CD248: variants seen among roughly 807,000 people sequenced by gnomAD.
CD248 encodes endosialin.
A neutral mutation model predicts 8.0 loss-of-function variants in CD248; 7 were observed. The observed-to-expected ratio is 0.88, with a 90% CI of 0.50 to 1.64. The LOEUF (loss-of-function observed/expected upper bound fraction) is 1.64. Ranked by LOEUF, CD248 falls within the 40% of genes most tolerant of loss-of-function variation. The pLI is 0.00. For missense variants in CD248, 912 were observed against 1,027.2 expected, an observed-to-expected ratio of 0.89 and a Z score of 1.53; for synonymous variants, 418 against 437.1, an observed-to-expected ratio of 0.96 and a Z score of 0.54.
At position 66,316,213 on chromosome 11, in the gene CD248, T is replaced by TGGG; in HGVS notation, c.814_815insCCC (p.Glu272delinsAlaGln). On this transcript the variant is annotated protein_altering_variant, in exon 1 of 1. Transcript: ENST00000311330. ...GCACGGAGCCTGGGCACAGGGGTCC[T>TGGG]CGCAACTGCGCCCGTCTGCTGCCAG... 4.3e-6 allele frequency: 7 copies of TGGG among 1,613,052 alleles called. No homozygotes were observed. Among genetic ancestry groups the TGGG allele is most frequent in the Non-Finnish European group, 5.9e-6 (7 of 1,179,934 alleles).
rs771739881 is a variant in CD248 at position 66,316,369 on chromosome 11, C to T, written c.659G>A (p.Gly220Asp). Residue 220 changes from glycine (G) to aspartate (D), a missense_variant, in exon 1 of 1, where the codon GGT becomes GAT. Physicochemically the swap from Gly to Asp is moderately conservative, Grantham distance 94 (BLOSUM62 -1). This residue lies in a region of CD248 where 403 missense variants were observed against 446.2 expected (regional missense o/e 0.90). Coordinates refer to ENST00000311330, the MANE Select transcript of CD248 (RefSeq NM_020404.3). ...GGGCCCAGCCCGTGACCAGCCCACA[C>T]CTCCCTCAGGCTGCTTCACGCAGAG... ...SLLCVKQPEG[G>D]VGWSRAGPLC... 1 of 1,611,770 alleles carries T rather than the reference C, an allele frequency of 6.2e-7. No homozygotes were observed. Among genetic ancestry groups the T allele is most frequent in the East Asian group, 2.2e-5 (1 of 44,884 alleles).
Position 66,316,417 on chromosome 11 carries a change from T to A in CD248, c.611A>T (p.Gln204Leu), listed in dbSNP as rs1177982397. Reference sequence around the variant, plus strand: ...GAGCAGAGAGGCTCCCCTGCCAGCCTGGCACTGCACAGCGGCCACAGAGCC... The same window carrying A: ...GAGCAGAGAGGCTCCCCTGCCAGCCAGGCACTGCACAGCGGCCACAGAGCC... The part of the protein sequence containing the change: ...PFGSVAAVQC[Q>L]AGRGASLLCV... Residue 204 changes from glutamine to leucine, a missense_variant, in exon 1 of 1, where the codon CAG becomes CTG. This residue lies in a region of CD248 where 403 missense variants were observed against 446.2 expected (regional missense o/e 0.90). Transcript: ENST00000311330. 2.5e-6 allele frequency: 4 copies of A among 1,605,894 alleles called. No individual in the cohort carries two copies. In the African/African-American group the frequency reaches 5.3e-5, roughly 21 times the overall value.
At position 66,315,004 on chromosome 11, in the gene CD248, C is replaced by T; in HGVS notation, c.2024G>A (p.Gly675Asp). 2 of 1,609,336 alleles carry T rather than the reference C, an allele frequency of 1.2e-6. No individual in the cohort carries two copies. The highest frequency in any genetic ancestry group is 1.7e-6 in the Non-Finnish European group (2 of 1,177,572). The change falls in exon 1 of 1, where the codon GGT becomes GAT. Residue 675 changes from glycine to aspartate, a missense_variant. This residue lies in a region of CD248 where 507 missense variants were observed against 562.2 expected (regional missense o/e 0.90). Coordinates refer to ENST00000311330, the MANE Select transcript of CD248 (RefSeq NM_020404.3). This position sits in a 1 kb window ranked among gnomAD's most constrained non-coding sequence, Gnocchi z 4.3. The stretch of plus-strand genomic sequence containing the variant: ...ATCCCTCTGGCTGTGCTCGGCAAGA[C>T]CAGCCTCCCCCAGGGCTGTTGGGGC... ...TAAPTALGEA[G>D]LAEHSQRDDR...
In CD248 at chr11:66,316,028, C is replaced by T. The variant is rs1348222117; in HGVS notation, c.1000G>A (p.Glu334Lys). 3.7e-6 allele frequency: 6 copies of T among 1,613,684 alleles called. No individual in the cohort carries two copies. The highest frequency in any genetic ancestry group is 1.3e-5 in the African/African-American group (1 of 75,060). ...TCATGTCCCTCGCTACAATAACACT[C>T]GAAGCCACCAACGTAGTTGACACAC... is the stretch of plus-strand genomic sequence containing the variant. The part of the protein sequence containing the change: ...QMCVNYVGGF[E>K]CYCSEGHELE... Residue 334 changes from glutamate (E) to lysine (K), a missense_variant, in exon 1 of 1, where the codon GAG becomes AAG. Coordinates refer to ENST00000311330, the MANE Select transcript of CD248 (RefSeq NM_020404.3).
In CD248 at chr11:66,316,733, G is replaced by T; in HGVS notation, c.295C>A (p.Pro99Thr). 6.2e-7 allele frequency: 1 copy of T among 1,603,942 alleles called. No individual in the cohort carries two copies. The change falls in exon 1 of 1, where the codon CCA becomes ACA. Residue 99 changes from proline to threonine, a missense_variant. Pro to Thr is a conservative substitution (Grantham distance 38, BLOSUM62 -1). Coordinates refer to ENST00000311330, the MANE Select transcript of CD248 (RefSeq NM_020404.3). ...RQARQCQLQR[P>T]LRGFTWTTGD... ...GTGGTCCACGTGAAGCCGCGCAGTG[G>T]GCGCTGCAGCTGGCATTGCCGGGCC...
Position 66,315,595 on chromosome 11 carries a change from C to T in CD248, c.1433G>A (p.Arg478His), listed in dbSNP as rs202170042. Residue 478 changes from arginine (R) to histidine (H), a missense_variant, in exon 1 of 1, where the codon CGT becomes CAT. Transcript: ENST00000311330. This position sits in a 1 kb window ranked among gnomAD's most constrained non-coding sequence, Gnocchi z 4.3. ...VIPATHPALS[R>H]DHQIPVIAAN... is the part of the protein sequence containing the mutation. ...TGCGATCACGGGGATCTGGTGGTCA[C>T]GGGACAAAGCTGGGTGTGTGGCAGG... 1.3e-5 allele frequency: 21 copies of T among 1,613,288 alleles called. No homozygotes were observed. Among genetic ancestry groups the T allele is most frequent in the Admixed American group, 6.7e-5 (4 of 59,934 alleles).
At position 66,315,071 on chromosome 11, in the gene CD248, G is replaced by A. The variant is rs1854527944; in HGVS notation, c.1957C>T (p.Pro653Ser). ...GAGGGCAGCCACAGGGCCAACTTGG[G>A]ACTGGGGCCATCTTCCCTTGGGATT... ...PQIPREDGPSPKLALWLPSPA... is the reference protein window; with the variant it reads ...PQIPREDGPSSKLALWLPSPA... The change falls in exon 1 of 1, where the codon CCC (proline) becomes TCC (serine). Residue 653 changes from proline to serine, a missense_variant. By Grantham distance (74) the Pro-to-Ser change is moderately conservative. Coordinates refer to ENST00000311330, the MANE Select transcript of CD248 (RefSeq NM_020404.3). The surrounding 1 kb of genome is among the most constrained non-coding windows in gnomAD (Gnocchi z 4.3). 3 of 1,569,746 alleles carry A rather than the reference G, an allele frequency of 1.9e-6. No individual in the cohort carries two copies. Among genetic ancestry groups the A allele is most frequent in the Non-Finnish European group, 2.6e-6 (3 of 1,157,066 alleles).
chr11:66,314,976 G>T lies in CD248; in HGVS notation c.2052C>A (p.Asp684Glu). 1 of 1,613,176 alleles carries T rather than the reference G, an allele frequency of 6.2e-7. No homozygotes were observed. Among genetic ancestry groups the T allele is most frequent in the Non-Finnish European group, 8.5e-7 (1 of 1,179,882 alleles). The change falls in exon 1 of 1, where the codon GAC (aspartate) becomes GAA (glutamate). Residue 684 changes from aspartate to glutamate, a missense_variant. Physicochemically the swap from Asp to Glu is conservative, Grantham distance 45 (BLOSUM62 2). This residue lies in a region of CD248 where 507 missense variants were observed against 562.2 expected (regional missense o/e 0.90). Transcript: ENST00000311330. This position sits in a 1 kb window ranked among gnomAD's most constrained non-coding sequence, Gnocchi z 4.0. Reference sequence around the variant, plus strand: ...CCAGGAGTGCCACCAGCAGCCACCGGTCATCCCTCTGGCTGTGCTCGGCAA... The same window carrying T: ...CCAGGAGTGCCACCAGCAGCCACCGTTCATCCCTCTGGCTGTGCTCGGCAA... Reference protein sequence around the residue: ...AGLAEHSQRDDRWLLVALLVP... With the variant: ...AGLAEHSQRDERWLLVALLVP...
Position 66,315,917 on chromosome 11 carries a change from C to A in CD248, c.1111G>T (p.Asp371Tyr). The A allele has an allele frequency of 6.2e-7, 1 of 1,613,534 alleles. No individual in the cohort carries two copies. The highest frequency in any genetic ancestry group is 8.5e-7 in the Non-Finnish European group (1 of 1,180,018). Reference sequence around the variant, plus strand: ...TCTTCATCTTCCTCATCCTCCCCGTCATCCAGCAACTCATCTCCGAGGTCC... The same window carrying A: ...TCTTCATCTTCCTCATCCTCCCCGTAATCCAGCAACTCATCTCCGAGGTCC... ...SQDLGDELLD[D>Y]GEDEEDEDEA... The change falls in exon 1 of 1, where the codon GAC becomes TAC. Residue 371 changes from aspartate to tyrosine, a missense_variant. Physicochemically the swap from Asp to Tyr is radical, Grantham distance 160. Coordinates refer to ENST00000311330, the MANE Select transcript of CD248 (RefSeq NM_020404.3). The surrounding 1 kb of genome is among the most constrained non-coding windows in gnomAD (Gnocchi z 4.3).
Position 66,315,428 on chromosome 11 carries a change from G to T in CD248, c.1600C>A (p.Pro534Thr). 1 of 1,613,398 alleles carries T rather than the reference G, an allele frequency of 6.2e-7. No homozygotes were observed. Among genetic ancestry groups the T allele is most frequent in the Non-Finnish European group, 8.5e-7 (1 of 1,179,522 alleles). ...TGGGTGCCAGCGACCCGGGTGTCTG[G>T]AAACATGGGGGACTGGTGGGCAGGG... ...LFPAHQSPMF[P>T]DTRVAGTQTT... Residue 534 changes from proline to threonine, a missense_variant, in exon 1 of 1, where the codon CCA becomes ACA. By Grantham distance (38) the Pro-to-Thr change is conservative. Around this residue, in one of 3 missense-constraint regions of CD248, gnomAD observed 507 missense variants for 562.2 expected, o/e 0.90. Coordinates refer to ENST00000311330, the MANE Select transcript of CD248 (RefSeq NM_020404.3). The surrounding 1 kb of genome is among the most constrained non-coding windows in gnomAD (Gnocchi z 4.3).
rs1233434322 is a variant in CD248, at chr11:66,314,745, T to C, written c.*9A>G. 2.6e-6 allele frequency: 4 copies of C among 1,542,974 alleles called. No individual in the cohort carries two copies. In the Admixed American group the frequency reaches 7.9e-5, roughly 30 times the overall value. On this transcript the variant is annotated 3_prime_UTR_variant, in exon 1 of 1. Coordinates refer to ENST00000311330, the MANE Select transcript of CD248 (RefSeq NM_020404.3). The surrounding 1 kb of genome is among the most constrained non-coding windows in gnomAD (Gnocchi z 4.0). ...CGCCCCATACTCCATGAGGGGGGTC[T>C]GCACCCCATCACACGCTGGTTCTGC...
rs1854556745 is a variant in CD248, at chr11:66,316,803, A to G, written c.225T>C (p.Gly75=). 2 of 1,587,700 alleles carry G rather than the reference A, an allele frequency of 1.3e-6. No homozygotes were observed. Among genetic ancestry groups the G allele is most frequent in the Non-Finnish European group, 1.7e-6 (2 of 1,174,478 alleles). Residue 75 remains glycine (G), a synonymous_variant, in exon 1 of 1, where the codon GGT becomes GGC. Transcript: ENST00000311330. ...ACAGCAGCCGGCTGGCTGGGCCCGCACCCACCAGGCTGTCCACACGCTGGG... is the reference window on the plus strand; with the variant it reads ...ACAGCAGCCGGCTGGCTGGGCCCGCGCCCACCAGGCTGTCCACACGCTGGG... ...EEAQRVDSLV[G]AGPASRLLWI...
chr11:66,316,544 C>A lies in CD248; in HGVS notation c.484G>T (p.Gly162Cys). The A allele has an allele frequency of 6.3e-7, 1 of 1,599,566 alleles. No individual in the cohort carries two copies. Among genetic ancestry groups the A allele is most frequent in the Non-Finnish European group, 8.5e-7 (1 of 1,179,338 alleles). ...TCATCTTGCAGCGCCGGGCAGGCGC[C>A]CTCGAAGCCAAACTGGCACAGGTAG... ...DGYLCQFGFE[G>C]ACPALQDEAG... Residue 162 changes from glycine (G) to cysteine (C), a missense_variant, in exon 1 of 1, where the codon GGC becomes TGC. Gly to Cys is a radical substitution (Grantham distance 159). This residue lies in a region of CD248 where 403 missense variants were observed against 446.2 expected (regional missense o/e 0.90). Transcript: ENST00000311330.
At position 66,316,610 on chromosome 11, in the gene CD248, G is replaced by A; in HGVS notation, c.418C>T (p.His140Tyr). Residue 140 changes from histidine to tyrosine, a missense_variant, in exon 1 of 1, where the codon CAC (histidine) becomes TAC (tyrosine). Physicochemically the swap from His to Tyr is moderately conservative, Grantham distance 83. This residue lies in a region of CD248 where 403 missense variants were observed against 446.2 expected (regional missense o/e 0.90). Coordinates refer to ENST00000311330, the MANE Select transcript of CD248 (RefSeq NM_020404.3). The stretch of plus-strand genomic sequence containing the variant: ...GTGCACGAGCCCTCCAGCCAGCGGT[G>A]CTCGCCACTTGCCTCCAGGGCCACA... ...RCVALEASGE[H>Y]RWLEGSCTLA... The A allele has an allele frequency of 6.2e-7, 1 of 1,602,116 alleles. No individual in the cohort carries two copies. The highest frequency in any genetic ancestry group is 8.5e-7 in the Non-Finnish European group (1 of 1,178,914).
rs539641105 is a variant in CD248, at chr11:66,315,661, G to A, written c.1367C>T (p.Thr456Met). The A allele has an allele frequency of 1.1e-5, 17 of 1,613,800 alleles. No homozygotes were observed. The highest frequency in any genetic ancestry group is 2.2e-5 in the East Asian group (1 of 44,876). ...SVTRPVVVSA[T>M]HPTLPSAHQP... ...GTGGGCAGAAGGCAGTGTGGGATGCGTGGCAGAGACCACCACAGGCCGGGT... is the reference window on the plus strand; with the variant it reads ...GTGGGCAGAAGGCAGTGTGGGATGCATGGCAGAGACCACCACAGGCCGGGT... Residue 456 changes from threonine to methionine, a missense_variant, in exon 1 of 1, where the codon ACG becomes ATG. Physicochemically the swap from Thr to Met is moderately conservative, Grantham distance 81 (BLOSUM62 -1). Around this residue, in one of 3 missense-constraint regions of CD248, gnomAD observed 507 missense variants for 562.2 expected, o/e 0.90. Coordinates refer to ENST00000311330, the MANE Select transcript of CD248 (RefSeq NM_020404.3). The surrounding 1 kb of genome is among the most constrained non-coding windows in gnomAD (Gnocchi z 4.3).
Position 66,314,526 on chromosome 11 carries a change from C to G in CD248, c.*228G>C. ...GACACCCCATTTATTGGAGAAGACC[C>G]CAGCACCCGCCCCCTGAGGTCTTAA... On this transcript the variant is annotated 3_prime_UTR_variant, in exon 1 of 1. Transcript: ENST00000311330. This position sits in a 1 kb window ranked among gnomAD's most constrained non-coding sequence, Gnocchi z 4.0. 1 of 520,626 alleles carries G rather than the reference C, an allele frequency of 1.9e-6. No individual in the cohort carries two copies. Among genetic ancestry groups the G allele is most frequent in the South Asian group, 3.1e-5 (1 of 32,412 alleles). 32.3% of individuals were successfully genotyped at this position (520,626 alleles called of 1,614,324 possible).
Position 66,315,149 on chromosome 11 carries a change from TGGGG to T in CD248, c.1875_1878del (p.Ser625ArgfsTer179). The T allele has an allele frequency of 6.5e-7, 1 of 1,529,078 alleles. No individual in the cohort carries two copies. 94.7% of individuals were successfully genotyped at this position (1,529,078 alleles called of 1,614,324 possible). A position where few individuals can be genotyped will look rare whatever the true frequency, so the allele number is the denominator to read the frequency against. Reference sequence around the variant, plus strand: ...GGGCTGATGGGTGAGGTCTGGTTAGTGGGGCTCTGAGAGGGCAGGAGGGTGGGGA... The same window carrying T: ...GGGCTGATGGGTGAGGTCTGGTTAGTCTCTGAGAGGGCAGGAGGGTGGGGA... On this transcript the variant is annotated frameshift_variant, in exon 1 of 1. Coordinates refer to ENST00000311330, the MANE Select transcript of CD248 (RefSeq NM_020404.3). LOFTEE classifies it high-confidence loss of function. This position sits in a 1 kb window ranked among gnomAD's most constrained non-coding sequence, Gnocchi z 4.3.
In CD248 at chr11:66,315,523, G is replaced by C; in HGVS notation, c.1505C>G (p.Ser502Cys). Residue 502 changes from serine (S) to cysteine (C), a missense_variant, in exon 1 of 1, where the codon TCT becomes TGT. Physicochemically the swap from Ser to Cys is moderately radical, Grantham distance 112. This residue lies in a region of CD248 where 507 missense variants were observed against 562.2 expected (regional missense o/e 0.90). Coordinates refer to ENST00000311330, the MANE Select transcript of CD248 (RefSeq NM_020404.3). This position sits in a 1 kb window ranked among gnomAD's most constrained non-coding sequence, Gnocchi z 4.3. ...AGGAGGCTGTGCTGAATGAGAGACA[G>C]AGAGAATACCGGGTTGGTAGGCAGA... Reference protein sequence around the residue: ...LPSAYQPGILSVSHSAQPPAH... With the variant: ...LPSAYQPGILCVSHSAQPPAH... The C allele has an allele frequency of 6.2e-7, 1 of 1,614,092 alleles. No individual in the cohort carries two copies.
In CD248 at chr11:66,316,040, C is replaced by T. The variant is rs199986876; in HGVS notation, c.988G>A (p.Val330Ile). ...GVCQQMCVNY[V>I]GGFECYCSEG... ...CTACAATAACACTCGAAGCCACCAACGTAGTTGACACACATCTGCTGGCAC... is the reference window on the plus strand; with the variant it reads ...CTACAATAACACTCGAAGCCACCAATGTAGTTGACACACATCTGCTGGCAC... The change falls in exon 1 of 1, where the codon GTT becomes ATT. Residue 330 changes from valine (V) to isoleucine (I), a missense_variant. Val to Ile is a conservative substitution (Grantham distance 29). Around this residue, in one of 3 missense-constraint regions of CD248, gnomAD observed 507 missense variants for 562.2 expected, o/e 0.90. Coordinates refer to ENST00000311330, the MANE Select transcript of CD248 (RefSeq NM_020404.3). The T allele has an allele frequency of 6.8e-5, 110 of 1,613,744 alleles. No individual in the cohort carries two copies. The East Asian group carries it at 1.4e-3, about 21-fold the overall frequency.
Sources: gnomAD v4.1 joint callset for allele counts on GRCh38, gnomAD v4.1.1 for gene constraint, gnomAD v4.1.1 regional missense constraint, Gnocchi (gnomAD v3.1) non-coding constraint, MANE v1.5 for transcripts, NCBI Gene and HGNC (gene_info 2026-07-23, HGNC 2026-07-21) for gene names.